CDH18: variants seen among roughly 807,000 people sequenced by gnomAD.
The protein encoded by CDH18 is cadherin-18.
CDH18 carries 31 observed loss-of-function variants against 67.9 expected under a neutral mutation model. The observed-to-expected ratio is 0.46, with a 90% confidence interval of 0.34 to 0.62. CDH18 has a LOEUF of 0.62. CDH18 is among the 20% of genes least tolerant of loss of function. The pLI is 0.01. For missense variants in CDH18, 890 were observed against 975.5 expected (o/e 0.91, Z 1.17); for synonymous variants, 362 against 347.2 (o/e 1.04, Z -0.48).
At chr5:19,682,632 T>C (rs749359775) in intron 5 of CDH18, among the ~76,000 whole-genome samples, 1 of 152,096 alleles carries the variant, frequency 6.6e-6, no homozygotes, top group Non-Finnish European at 1.5e-5. Context: ...TCTCTTTCAC[T>C]CTTTGTGAGT....
At chr5:19,576,391 C>CAAAA (rs148894296) in intron 7 of CDH18, among the ~76,000 whole-genome samples, 81 of 147,906 alleles carry the variant, frequency 5.5e-4, no homozygotes, top group Admixed American at 1.1e-3. Flanking sequence ...TCAAACTACT[C>CAAAA]AAAAAAAAAA....
intron 1 of CDH18, among the ~76,000 whole-genome samples, chr5:20,268,724 T>G (rs1561926272): frequency 6.6e-6 from 1 of 151,906 alleles, no homozygotes; most frequent in African/African-American, 2.4e-5. Context: ...ACAGACCCTA[T>G]CTCAACAACA....
chr5:19,930,655 A>C (rs1793592081), intron 2 of CDH18, among the ~76,000 whole-genome samples: 1 of 152,002 alleles, frequency 6.6e-6, no homozygotes, highest in Non-Finnish European at 1.5e-5. Flanking sequence ...GCAAGTGTAG[A>C]GTTCAGAGCA....
chr5:20,205,713 T>G (rs1365810722), intron 2 of CDH18, among the ~76,000 whole-genome samples: 1 of 151,644 alleles, frequency 6.6e-6, no homozygotes, highest in Non-Finnish European at 1.5e-5. Context: ...AAAAGGAAAC[T>G]CAGAAACTAC....
intron 2 of CDH18, among the ~76,000 whole-genome samples, chr5:19,852,352 C>G (rs1783804003): frequency 6.6e-6 from 1 of 151,950 alleles, no homozygotes; most frequent in Non-Finnish European, 1.5e-5. Flanking sequence ...AAGAGCCTAG[C>G]CTGCATCAGT....
In CDH18 at chr5:19,521,280, G is replaced by A. The variant is rs568443346; in HGVS notation, c.1391-502C>T. Among the ~76,000 whole-genome samples, 8 of 152,150 alleles carry A rather than the reference G, an allele frequency of 5.3e-5. No homozygotes were observed. In the South Asian group the frequency reaches 1.7e-3, roughly 32 times the overall value. ...AGTGTGATGTTAAGTCACGCTCGGG[G>A]AAAAATAAATAATAATTGAAATCAA... On this transcript the variant is annotated intron_variant, in intron 9 of 12. Transcript: ENST00000382275.
chr5:19,949,049 CAGTAACGAATAAA>C (rs1795538594), intron 2 of CDH18, among the ~76,000 whole-genome samples: 1 of 152,116 alleles, frequency 6.6e-6, no homozygotes, highest in African/African-American at 2.4e-5. Context: ...AATCATAAGA[CAGTAACGAATAAA>C]AGTAAGCACA....
intron 9 of CDH18, among the ~76,000 whole-genome samples, chr5:19,525,862 G>A (rs1561268333): frequency 6.6e-6 from 1 of 152,060 alleles, no homozygotes; most frequent in African/African-American, 2.4e-5. Context: ...CAAGCATTTT[G>A]CTAAGGCTAA....
intron 1 of CDH18, among the ~76,000 whole-genome samples, chr5:20,548,439 T>TTGTG (rs70954668): frequency 0.019 from 2,726 of 146,656 alleles, 75 homozygotes; most frequent in African/African-American, 0.058. Context: ...GAGAACATGT[T>TTGTG]TGTGTGTGTG....
At chr5:20,213,512 G>T (rs185976321) in intron 2 of CDH18, among the ~76,000 whole-genome samples, 1 of 152,094 alleles carries the variant, frequency 6.6e-6, no homozygotes, top group Non-Finnish European at 1.5e-5. Context: ...ATCTGGTTCT[G>T]GGCATTTTTG....
At chr5:20,372,136 A>G (rs1743055543) in intron 1 of CDH18, among the ~76,000 whole-genome samples, 1 of 152,186 alleles carries the variant, frequency 6.6e-6, no homozygotes, top group Non-Finnish European at 1.5e-5. Context: ...TTACGCTTTT[A>G]AGCATTAAGC....
intron 2 of CDH18, among the ~76,000 whole-genome samples, chr5:19,995,828 T>C (rs892855339): frequency 5.9e-5 from 9 of 152,010 alleles, no homozygotes; most frequent in African/African-American, 1.9e-4. Context: ...AAAGAGAAAC[T>C]ACACCTTCCA....
intron 1 of CDH18, among the ~76,000 whole-genome samples, chr5:20,503,655 C>T (rs916158588): frequency 1.3e-5 from 2 of 152,154 alleles, no homozygotes; most frequent in Non-Finnish European, 2.9e-5. Context: ...TCTGAGAGGA[C>T]GTTATCATTA....
intron 5 of CDH18, among the ~76,000 whole-genome samples, chr5:19,670,364 C>T (rs1442733712): frequency 1.3e-5 from 2 of 151,920 alleles, no homozygotes; most frequent in South Asian, 2.1e-4. Context: ...TCAAAAACAG[C>T]GTATCTGCAT....
chr5:20,209,111 G>A (rs1580482661), intron 2 of CDH18, among the ~76,000 whole-genome samples: 1 of 152,064 alleles, frequency 6.6e-6, no homozygotes, highest in East Asian at 1.9e-4. Context: ...GAACATGGTG[G>A]TGAGGCTGTG....
Position 20,435,376 on chromosome 5 carries a change from A to G in CDH18, c.-580+140086T>C, listed in dbSNP as rs1042570504. Among the ~76,000 whole-genome samples, 3 of 152,070 alleles carry G rather than the reference A, an allele frequency of 2.0e-5. No homozygotes were observed. The East Asian group carries it at 5.8e-4, about 29-fold the overall frequency. On this transcript the variant is annotated intron_variant, in intron 1 of 14. Coordinates refer to the CDH18 transcript ENST00000507958. ...GCAGTTAATAAGCTGCATGAACAAAAGAGCTAATCAATTACTATTTTCAAA... is the reference window on the plus strand; with the variant it reads ...GCAGTTAATAAGCTGCATGAACAAAGGAGCTAATCAATTACTATTTTCAAA...
chr5:19,529,589 T>C (rs1393159079), intron 9 of CDH18, among the ~76,000 whole-genome samples: 1 of 152,048 alleles, frequency 6.6e-6, no homozygotes, highest in African/African-American at 2.4e-5. Context: ...GAAAATACCA[T>C]ATAATATACA....
At chr5:20,116,432 C>G (rs1013861670) in intron 2 of CDH18, among the ~76,000 whole-genome samples, 1 of 151,866 alleles carries the variant, frequency 6.6e-6, no homozygotes, top group African/African-American at 2.4e-5. Context: ...CGGAGAATCA[C>G]TTGAACCCAA....
At chr5:20,571,962 T>A (rs1458008958) in intron 1 of CDH18, among the ~76,000 whole-genome samples, 1 of 152,128 alleles carries the variant, frequency 6.6e-6, no homozygotes, top group African/African-American at 2.4e-5. Context: ...GATCTCTAAC[T>A]GCTGTAGAGA....
Sources: allele counts gnomAD v4.1 joint callset (sites outside exome capture counted in the v4.1 genomes callset), GRCh38; gene constraint gnomAD v4.1.1; transcripts MANE v1.5; gene names NCBI Gene and HGNC (gene_info 2026-07-23, HGNC 2026-07-21).